Variants in TATDN3 observed in about 807,000 individuals in gnomAD.
The protein encoded by TATDN3 is deoxyribonuclease TATDN3.
Under a neutral mutation model 40.1 loss-of-function variants are expected in TATDN3, and 29 were observed. The ratio of observed to expected loss-of-function variants is 0.72; its 90% confidence interval spans 0.54 to 0.99. The LOEUF is 0.99. TATDN3 is among the 50% of genes least tolerant of loss of function. The probability of loss-of-function intolerance (pLI) is 0.00; values close to 1 mark genes in which losing one functional copy is unlikely to be tolerated. For synonymous variants in TATDN3, 105 were observed against 117.0 expected, an observed-to-expected ratio of 0.90 and a Z score of 0.66; for missense variants, 309 against 321.9, an observed-to-expected ratio of 0.96 and a Z score of 0.31.
Position 212,806,870 on chromosome 1 carries a change from ATATATACATATG to A in TATDN3, c.488-857_488-846del, listed in dbSNP as rs1662561092. 6.3e-5 allele frequency among the ~76,000 whole-genome samples: 6 copies of A among 95,458 alleles called. No homozygotes were observed. The East Asian group carries it at 1.8e-3, about 28-fold the overall frequency. The allele number at this position is 95,458 out of a possible 152,430, so 62.6% of individuals were successfully genotyped here. A position where few individuals can be genotyped will look rare whatever the true frequency, so the allele number is the denominator to read the frequency against. Reference sequence around the variant, plus strand: ...CACATATATACATATGTATATACACATATATACATATGTATATACACATATATACATATGTAT... The same window carrying A: ...CACATATATACATATGTATATACACATATATACACATATATACATATGTAT... On this transcript the variant is annotated intron_variant, in intron 7 of 9. Transcript: ENST00000366974.
intron 4 of TATDN3, among the ~76,000 whole-genome samples, chr1:212,802,130 A>AAGT (rs1662211018): frequency 6.6e-6 from 1 of 152,236 alleles, no homozygotes; most frequent in Admixed American, 6.5e-5. Flanking sequence ...ATATCATTGA[A>AAGT]ACTAATGGTA....
intron 8 of TATDN3, among the ~76,000 whole-genome samples, chr1:212,810,436 C>T (rs1206204689): frequency 7.2e-6 from 1 of 138,008 alleles, no homozygotes; most frequent in Non-Finnish European, 1.5e-5. Flanking sequence ...GGCGTGAACC[C>T]GGGAGGCGGA....
In TATDN3 at chr1:212,807,956, C is replaced by G. The variant is rs1357967512; in HGVS notation, c.600+108C>G. ...TTCTAGTTACATTACAAAAATTAAT[C>G]TTAGGTCTCTACCTCACATATATAT... is the stretch of plus-strand genomic sequence containing the variant. On this transcript the variant is annotated intron_variant, in intron 8 of 9. Transcript: ENST00000366974. 7.4e-6 allele frequency: 5 copies of G among 671,270 alleles called. No homozygotes were observed. In the East Asian group the frequency reaches 1.5e-4, roughly 20 times the overall value. The allele number at this position is 671,270 out of a possible 1,614,324, so 41.6% of individuals were successfully genotyped here.
At chr1:212,798,162 T>C (rs898803274) in intron 4 of TATDN3, among the ~76,000 whole-genome samples, 3 of 151,876 alleles carry the variant, frequency 2.0e-5, no homozygotes, top group Non-Finnish European at 4.4e-5. Flanking sequence ...CTGTCTGTAC[T>C]AAAAATACAA....
chr1:212,795,157 G>A, intron 2 of TATDN3, 30 bp downstream of exon 2: 1 of 1,593,022 alleles, frequency 6.3e-7, no homozygotes, highest in East Asian at 2.2e-5. Context: ...TGCTCTTTTG[G>A]TTTTTTATTT....
In TATDN3 at chr1:212,807,862, T is replaced by G; in HGVS notation, c.600+14T>G. On this transcript the variant is annotated intron_variant, in intron 8 of 9. Coordinates refer to ENST00000366974, the MANE Select transcript of TATDN3 (RefSeq NM_001042552.3). ...AGAAGTGGACAGGTAAATTTTTTCA[T>G]TGAAACTCATCTAATACTTATGAAA... The G allele has an allele frequency of 6.6e-7, 1 of 1,515,210 alleles. No homozygotes were observed. The highest frequency in any genetic ancestry group is 1.4e-5 in the African/African-American group (1 of 72,402). The allele number at this position is 1,515,210 out of a possible 1,614,324, so 93.9% of individuals were successfully genotyped here. A position where few individuals can be genotyped will look rare whatever the true frequency, so the allele number is the denominator to read the frequency against.
At position 212,794,912 on chromosome 1, in the gene TATDN3, G is replaced by A. The variant is rs1333466009; in HGVS notation, c.67-183G>A. 12 of 656,296 alleles carry A rather than the reference G, an allele frequency of 1.8e-5. No individual in the cohort carries two copies. The African/African-American group carries it at 2.2e-4, about 12-fold the overall frequency. The allele number at this position is 656,296 out of a possible 1,614,324, so 40.7% of individuals were successfully genotyped here. A position where few individuals can be genotyped will look rare whatever the true frequency, so the allele number is the denominator to read the frequency against. On this transcript the variant is annotated intron_variant, in intron 1 of 9. Transcript: ENST00000366974. ...TTCTGTTTTAGTGCTGGGAACAGTA[G>A]CCAGACTTTACTGATAGTAAGAGTA...
At position 212,791,926 on chromosome 1, in the gene TATDN3, G is replaced by T; in HGVS notation, c.5G>T (p.Arg2Leu). 1.9e-6 allele frequency: 3 copies of T among 1,613,328 alleles called. No individual in the cohort carries two copies. The highest frequency in any genetic ancestry group is 2.2e-5 in the South Asian group (2 of 91,016). The change falls in exon 1 of 10, where the codon CGA becomes CTA. Residue 2 changes from arginine (R) to leucine (L), a missense_variant. Coordinates refer to ENST00000366974, the MANE Select transcript of TATDN3 (RefSeq NM_001042552.3). The part of the protein sequence containing the change: M[R>L]AAGVGLVDCH... ...AGCGGCAGCCGCCGGGGCGCAATGC[G>T]AGCGGCTGGCGTAGGCTTGGTGGAC...
At position 212,797,216 on chromosome 1, in the gene TATDN3, G is replaced by A. The variant is rs757591982; in HGVS notation, c.258+20G>A. ...CTAAAGGTAACAGTCATACAAAACA[G>A]GAACCATTAAAAACAAACAAACGAA... is the stretch of plus-strand genomic sequence containing the variant. On this transcript the variant is annotated intron_variant, in intron 4 of 9. Coordinates refer to ENST00000366974, the MANE Select transcript of TATDN3 (RefSeq NM_001042552.3). 6.3e-7 allele frequency: 1 copy of A among 1,584,528 alleles called. No individual in the cohort carries two copies. The highest frequency in any genetic ancestry group is 1.1e-5 in the South Asian group (1 of 89,860).
chr1:212,811,352 C>T (rs757474271), intron 8 of TATDN3, among the ~76,000 whole-genome samples: 5 of 151,838 alleles, frequency 3.3e-5, no homozygotes, highest in South Asian at 2.1e-4. Flanking sequence ...AGGCTGGTCT[C>T]GAACTTCCAA....
chr1:212,798,495 A>G (rs116817922), intron 4 of TATDN3, among the ~76,000 whole-genome samples: 3,279 of 148,760 alleles, frequency 0.022, 60 homozygotes, highest in South Asian at 0.039. Flanking sequence ...TCAGGAGTTC[A>G]AGACCAGCCT....
At chr1:212,807,651 T>C (rs1157028790) in intron 7 of TATDN3, 85 bp from the exon 8 acceptor site, 11 of 1,032,400 alleles carry the variant, frequency 1.1e-5, no homozygotes, top group Non-Finnish European at 1.6e-5. Context: ...GTGACCAACA[T>C]TTACTTAAAA....
intron 8 of TATDN3, among the ~76,000 whole-genome samples, chr1:212,809,525 A>C (rs1662731698): frequency 6.6e-6 from 1 of 152,128 alleles, no homozygotes; most frequent in African/African-American, 2.4e-5. Flanking sequence ...ACTACTAAAA[A>C]TACAAAAAAT....
intron 4 of TATDN3, 119 bp from the exon 5 acceptor site, chr1:212,802,582 C>T: frequency 1.4e-6 from 1 of 702,480 alleles, no homozygotes; most frequent in Non-Finnish European, 2.5e-6. Flanking sequence ...TTTTTGACTG[C>T]TTAAATGGAT....
chr1:212,797,168 C>T lies in TATDN3; in HGVS notation c.230C>T (p.Pro77Leu). ...LGVHPVQGLP[P>L]EDQRSVTLKD... ...GTTCATCCAGTTCAAGGACTTCCACCAGAAGACCAAAGAAGTGTCACACTA... is the reference window on the plus strand; with the variant it reads ...GTTCATCCAGTTCAAGGACTTCCACTAGAAGACCAAAGAAGTGTCACACTA... The change falls in exon 4 of 10, where the codon CCA (proline) becomes CTA (leucine). Residue 77 changes from proline (P) to leucine (L), a missense_variant. Pro to Leu is a moderately conservative substitution (Grantham distance 98). Transcript: ENST00000366974. 6.2e-7 allele frequency: 1 copy of T among 1,613,980 alleles called. No individual in the cohort carries two copies. Among genetic ancestry groups the T allele is most frequent in the Non-Finnish European group, 8.5e-7 (1 of 1,179,964 alleles).
At chr1:212,792,281 G>T (rs1362581253) in intron 1 of TATDN3, among the ~76,000 whole-genome samples, 3 of 152,034 alleles carry the variant, frequency 2.0e-5, no homozygotes, top group African/African-American at 4.8e-5. Flanking sequence ...TCCCCTCGGG[G>T]CTCTCACCTC....
intron 7 of TATDN3, among the ~76,000 whole-genome samples, chr1:212,807,356 G>A (rs547144260): frequency 4.6e-5 from 7 of 152,098 alleles, no homozygotes; most frequent in African/African-American, 1.7e-4. Context: ...AGACTCAGGT[G>A]ATCCTCCCAC....
rs1474248263 is a variant in TATDN3 at position 212,796,569 on chromosome 1, A to T, written c.152A>T (p.Lys51Met). The change falls in exon 3 of 10, where the codon AAG becomes ATG. Residue 51 changes from lysine to methionine, a missense_variant. By Grantham distance (95) the Lys-to-Met change is moderately conservative (BLOSUM62 -1). Coordinates refer to ENST00000366974, the MANE Select transcript of TATDN3 (RefSeq NM_001042552.3). ...GCCGAACATTCAGGAGAATTTGAAA[A>T]GATTATGCAACTTTCAGAAAGGTGC... ...AVAEHSGEFE[K>M]IMQLSERYNG... The T allele has an allele frequency of 6.3e-7, 1 of 1,578,726 alleles. No homozygotes were observed. The highest frequency in any genetic ancestry group is 1.4e-5 in the African/African-American group (1 of 73,164).
In TATDN3 at chr1:212,812,259, T is replaced by C; in HGVS notation, c.612T>C (p.Leu204=). 1 of 1,575,998 alleles carries C rather than the reference T, an allele frequency of 6.3e-7. No homozygotes were observed. Among genetic ancestry groups the C allele is most frequent in the Non-Finnish European group, 8.6e-7 (1 of 1,167,944 alleles). The change falls in exon 9 of 10, where the codon CTT becomes CTC. Residue 204 remains leucine, a synonymous_variant. Coordinates refer to ENST00000366974, the MANE Select transcript of TATDN3 (RefSeq NM_001042552.3). The part of the protein sequence containing the change: ...SIIRSGQKQK[L]VKQLPLTSIC... The stretch of plus-strand genomic sequence containing the variant: ...CTCTTTTCTCTAAGAAGCAGAAACT[T>C]GTGAAACAATTGCCTTTAACTTCTA...
Sources: allele counts gnomAD v4.1 joint callset (sites outside exome capture counted in the v4.1 genomes callset), GRCh38; gene constraint gnomAD v4.1.1; transcripts MANE v1.5; gene names NCBI Gene and HGNC (gene_info 2026-07-23, HGNC 2026-07-21).